The following RFX4 variants were observed in gnomAD, a reference collection of about 807,000 sequenced individuals.
RFX4 encodes the protein transcription factor RFX4.
Under a neutral mutation model 95.0 loss-of-function variants are expected in RFX4, and 10 were observed. The ratio of observed to expected loss-of-function variants is 0.11; its 90% CI spans 0.06 to 0.18. The LOEUF is 0.18. RFX4 is among the 10% of genes least tolerant of loss of function. The probability of loss-of-function intolerance (pLI) is 1.00; values close to 1 mark genes in which losing one functional copy is unlikely to be tolerated. For missense variants in RFX4, 640 were observed against 922.0 expected, an observed-to-expected ratio of 0.69 and a Z score of 3.96; for synonymous variants, 321 against 340.7, an observed-to-expected ratio of 0.94 and a Z score of 0.64.
At chr12:106,584,492 A>G (rs2137156061) in intron 1 of RFX4, among the ~76,000 whole-genome samples, 1 of 152,310 alleles carries the variant, frequency 6.6e-6, no homozygotes, top group East Asian at 1.9e-4. Flanking sequence ...TGAGCATTGC[A>G]GCGCGGAGCA....
At chr12:106,699,574 T>C (rs892755124) in intron 8 of RFX4, among the ~76,000 whole-genome samples, 1 of 152,212 alleles carries the variant, frequency 6.6e-6, no homozygotes, top group African/African-American at 2.4e-5. Flanking sequence ...GAAGCTCTGA[T>C]GTTAAATGCA....
chr12:106,632,960 T>A (rs569586392), intron 2 of RFX4, among the ~76,000 whole-genome samples: 2 of 152,394 alleles, frequency 1.3e-5, no homozygotes, highest in Admixed American at 1.3e-4. Flanking sequence ...TGACTACGTC[T>A]GTTTTTTCTT....
intron 2 of RFX4, among the ~76,000 whole-genome samples, chr12:106,623,006 C>T (rs1232272253): frequency 6.6e-6 from 1 of 150,382 alleles, no homozygotes; most frequent in Non-Finnish European, 1.5e-5. Flanking sequence ...GATTTGAACT[C>T]AGGTCTATAT....
Position 106,583,413 on chromosome 12 carries a change from G to A in RFX4, c.43+50G>A, listed in dbSNP as rs574310560. The A allele has an allele frequency of 6.3e-4, 942 of 1,496,110 alleles. 13 individuals are homozygous for A. In the South Asian group the frequency reaches 0.012, roughly 19 times the overall value. 92.7% of individuals were successfully genotyped at this position (1,496,110 alleles called of 1,614,324 possible). ...GGGATACATTGGGAGGGAAGGAGAA[G>A]GGAGAGGGGGAACTTTAGAAAGAAG... On this transcript the variant is annotated intron_variant, in intron 1 of 17. Coordinates refer to ENST00000392842, the MANE Select transcript of RFX4 (RefSeq NM_213594.3).
intron 8 of RFX4, among the ~76,000 whole-genome samples, chr12:106,706,708 T>C (rs1451567065): frequency 6.6e-6 from 1 of 152,050 alleles, no homozygotes; most frequent in Non-Finnish European, 1.5e-5. Context: ...ATGTTGCCAA[T>C]AAATAAATGG....
chr12:106,657,595 T>TAAC (rs1287498593), intron 4 of RFX4, among the ~76,000 whole-genome samples: 8 of 152,196 alleles, frequency 5.3e-5, no homozygotes, highest in Non-Finnish European at 8.8e-5. Context: ...TGTGCCTGCT[T>TAAC]TCGCTGTTAA....
At chr12:106,706,375 G>C (rs1050759323) in intron 8 of RFX4, among the ~76,000 whole-genome samples, 3 of 152,328 alleles carry the variant, frequency 2.0e-5, no homozygotes, top group Middle Eastern at 3.4e-3. Context: ...AGTGGAGGTG[G>C]GAGGGTGAGC....
intron 16 of RFX4, 59 bp downstream of exon 16, chr12:106,747,658 C>A: frequency 6.4e-7 from 1 of 1,564,140 alleles, no homozygotes; most frequent in Non-Finnish European, 8.7e-7. Context: ...AGAGGCTGGG[C>A]ACAGCAGCTC....
intron 3 of RFX4, among the ~76,000 whole-genome samples, chr12:106,645,599 G>T (rs2137296652): frequency 6.6e-6 from 1 of 152,252 alleles, no homozygotes; most frequent in South Asian, 2.1e-4. Flanking sequence ...TGAAACAAAA[G>T]AAATTTATAA....
intron 3 of RFX4, among the ~76,000 whole-genome samples, chr12:106,653,933 T>A (rs1365354125): frequency 6.6e-6 from 1 of 152,160 alleles, no homozygotes; most frequent in Non-Finnish European, 1.5e-5. Context: ...ATGTATCTGA[T>A]CTAGCCAGAA....
In RFX4 at chr12:106,614,362, T is replaced by C. The variant is rs57277780; in HGVS notation, c.130+5479T>C. 1.6e-3 allele frequency among the ~76,000 whole-genome samples: 244 copies of C among 151,992 alleles called. 1 individual carries two copies. Among genetic ancestry groups the C allele is most frequent in the African/African-American group, 5.7e-3 (235 of 41,440 alleles). ...TTTTAGTAGAGACTGGGTTTCGGCATATTGGCCAGGCTGGTCTCGAACTCC... is the reference window on the plus strand; with the variant it reads ...TTTTAGTAGAGACTGGGTTTCGGCACATTGGCCAGGCTGGTCTCGAACTCC... On this transcript the variant is annotated intron_variant, in intron 2 of 17. Transcript: ENST00000392842.
intron 2 of RFX4, among the ~76,000 whole-genome samples, chr12:106,618,012 C>T (rs1318254371): frequency 6.6e-6 from 1 of 151,904 alleles, no homozygotes; most frequent in East Asian, 1.9e-4. Flanking sequence ...CAGGTGTGAG[C>T]CACCACGCCC....
chr12:106,589,083 A>G (rs1204322277), intron 1 of RFX4, among the ~76,000 whole-genome samples: 1 of 152,176 alleles, frequency 6.6e-6, no homozygotes, highest in Non-Finnish European at 1.5e-5. Flanking sequence ...GCTCTGCAGG[A>G]TGGAGACGGT....
intron 8 of RFX4, among the ~76,000 whole-genome samples, chr12:106,702,958 T>C (rs968280173): frequency 2.6e-5 from 4 of 152,236 alleles, no homozygotes; most frequent in African/African-American, 9.6e-5. Context: ...GAACACCTGG[T>C]GAGGCCTGTG....
chr12:106,645,567 C>CTATCAATA (rs2040728649), intron 3 of RFX4, among the ~76,000 whole-genome samples: 1 of 152,114 alleles, frequency 6.6e-6, no homozygotes, highest in African/African-American at 2.4e-5. Context: ...GGTTGACAAG[C>CTATCAATA]TATCAATATT....
chr12:106,604,812 G>T (rs1449120921), intron 1 of RFX4, among the ~76,000 whole-genome samples: 1 of 152,238 alleles, frequency 6.6e-6, no homozygotes, highest in African/African-American at 2.4e-5. Context: ...GCAAAATTAT[G>T]TAAGTAGAGT....
intron 15 of RFX4, among the ~76,000 whole-genome samples, chr12:106,743,094 C>T (rs915126953): frequency 6.6e-6 from 1 of 152,154 alleles, no homozygotes; most frequent in Admixed American, 6.5e-5. Flanking sequence ...CCAACAACTG[C>T]TCCTCTTGGG....
At chr12:106,614,974 A>G (rs981640843) in intron 2 of RFX4, among the ~76,000 whole-genome samples, 3 of 152,200 alleles carry the variant, frequency 2.0e-5, no homozygotes, top group Admixed American at 6.5e-5. Context: ...AACTTTTATG[A>G]ACACAAGTTT....
chr12:106,741,899 C>T (rs929224378), intron 15 of RFX4, among the ~76,000 whole-genome samples: 2 of 152,160 alleles, frequency 1.3e-5, no homozygotes, highest in African/African-American at 2.4e-5. Context: ...CTTGCATGTG[C>T]AGTTCATAGG....
Sources: allele counts gnomAD v4.1 joint callset (sites outside exome capture counted in the v4.1 genomes callset), GRCh38; gene constraint gnomAD v4.1.1; transcripts MANE v1.5; gene names NCBI Gene and HGNC (gene_info 2026-07-23, HGNC 2026-07-21).